The following USP35 variants were observed in gnomAD, a reference collection of about 807,000 sequenced individuals.
The protein encoded by USP35 is ubiquitin specific peptidase 35, also known as ubiquitin carboxyl-terminal hydrolase 35.
In USP35, 69 loss-of-function variants were observed where a neutral mutation model predicts 83.8. The ratio of observed to expected loss-of-function variants is 0.82; its 90% confidence interval spans 0.68 to 1.01. The LOEUF (loss-of-function observed/expected upper bound fraction) is 1.01, where lower values mean the gene tolerates loss of function less well. Among genes scored for constraint, USP35 ranks in the 50% least tolerant of loss-of-function variants. USP35 has a pLI of 0.00. For missense variants in USP35, 1,503 were observed against 1,362.5 expected (o/e 1.10, Z -1.62); for synonymous variants, 714 against 589.5 (o/e 1.21, Z -3.06).
chr11:78,200,348 A>G (rs1458846126), intron 5 of USP35, 114 bp downstream of exon 5: 2 of 1,293,818 alleles, frequency 1.5e-6, no homozygotes, highest in African/African-American at 1.5e-5. Flanking sequence ...CTCTTGGGGC[A>G]GGTCACTTGG....
chr11:78,194,882 A>G (rs767410334), intron 1 of USP35, among the ~76,000 whole-genome samples: 14 of 152,216 alleles, frequency 9.2e-5, no homozygotes, highest in Non-Finnish European at 1.5e-5. Flanking sequence ...CAATCAAGAA[A>G]TCATGACAAG....
At chr11:78,222,024 G>A in the USP35 span, 44 of 918,832 alleles carry the variant, frequency 4.8e-5, no homozygotes, top group Non-Finnish European at 6.0e-5. Context: ...CAGCTGTCCC[G>A]GCCCACAGGC....
At chr11:78,213,438 G>A (rs1026730859) in intron 10 of USP35, among the ~76,000 whole-genome samples, 2 of 151,918 alleles carry the variant, frequency 1.3e-5, no homozygotes, top group Non-Finnish European at 2.9e-5. Context: ...GCTGGCTCAG[G>A]GACTAGAGTT....
the USP35 span, chr11:78,227,000 G>A: frequency 6.2e-7 from 1 of 1,613,596 alleles, no homozygotes; most frequent in Non-Finnish European, 8.5e-7. Context: ...GTACAGCTGT[G>A]TCACTCCTCA....
At chr11:78,235,026 A>AG in the USP35 span, among the ~76,000 whole-genome samples, 1 of 151,940 alleles carries the variant, frequency 6.6e-6, no homozygotes, top group Admixed American at 6.6e-5. Context: ...GGCCACCGGG[A>AG]GGGGCTGCCA....
At chr11:78,197,870 C>T in intron 2 of USP35, 66 bp from the exon 3 acceptor site, 1 of 1,570,526 alleles carries the variant, frequency 6.4e-7, no homozygotes, top group African/African-American at 1.3e-5. Flanking sequence ...TCCTGCAGGG[C>T]ATGGTGTGCT....
rs781552777 is a variant in USP35, at chr11:78,205,945, C to G, written c.1301C>G (p.Ala434Gly). The G allele has an allele frequency of 6.2e-7, 1 of 1,614,264 alleles. No homozygotes were observed. The highest frequency in any genetic ancestry group is 1.1e-5 in the South Asian group (1 of 91,090). Reference protein sequence around the residue: ...ELAGFYPRLMAKSDTGKIGLI... With the variant: ...ELAGFYPRLMGKSDTGKIGLI... The stretch of plus-strand genomic sequence containing the variant: ...GCGGGTTTCTATCCCCGGCTCATGG[C>G]CAAGTCAGACACGGGCAAGATTGGT... Residue 434 changes from alanine to glycine, a missense_variant, in exon 7 of 11, where the codon GCC becomes GGC. Physicochemically the swap from Ala to Gly is moderately conservative, Grantham distance 60. Transcript: ENST00000529308.
At chr11:78,208,795 G>T in intron 8 of USP35, 62 bp from the exon 9 acceptor site, 1 of 1,578,816 alleles carries the variant, frequency 6.3e-7, no homozygotes, top group Non-Finnish European at 8.7e-7. Flanking sequence ...CCTAACCTGT[G>T]CAGAGCTGGC....
chr11:78,236,399 C>T, the USP35 span, among the ~76,000 whole-genome samples: 1 of 152,166 alleles, frequency 6.6e-6, no homozygotes, highest in Non-Finnish European at 1.5e-5. Context: ...TATCCACCTG[C>T]CTCAGCATCC....
Position 78,210,501 on chromosome 11 carries a change from TA to T in USP35, c.2647del (p.Arg883GlyfsTer68). The T allele has an allele frequency of 6.2e-7, 1 of 1,614,152 alleles. No homozygotes were observed. Among genetic ancestry groups the T allele is most frequent in the African/African-American group, 1.3e-5 (1 of 75,076 alleles). Reference sequence around the variant, plus strand: ...CTGCCGCTTCTCTGGGAACTGCCGATAGGCCAGAGCCCGAGAACCAGTGGTA... The same window carrying T: ...CTGCCGCTTCTCTGGGAACTGCCGATGGCCAGAGCCCGAGAACCAGTGGTA... Reference protein sequence around the residue: ...RPAASLGTADRPEPENQWYLF... With the variant: ...RPAASLGTADXPEPENQWYLF... On this transcript the variant is annotated frameshift_variant, in exon 10 of 11. Coordinates refer to ENST00000529308, the MANE Select transcript of USP35 (RefSeq NM_020798.4). LOFTEE classifies it high-confidence loss of function.
At chr11:78,233,531 T>C in the USP35 span, among the ~76,000 whole-genome samples, 1 of 152,350 alleles carries the variant, frequency 6.6e-6, no homozygotes, top group South Asian at 2.1e-4. Flanking sequence ...TACTGAGTTG[T>C]AGAAGTTCTT....
chr11:78,208,292 A>G (rs1396106124), intron 8 of USP35, among the ~76,000 whole-genome samples: 7 of 152,202 alleles, frequency 4.6e-5, no homozygotes. Context: ...ACACCACAGC[A>G]TGTTGCTTCA....
chr11:78,204,663 G>T (rs1863480150), intron 6 of USP35, among the ~76,000 whole-genome samples: 1 of 152,172 alleles, frequency 6.6e-6, no homozygotes, highest in South Asian at 2.1e-4. Context: ...AGGGACAGGC[G>T]AGGAGGGCAT....
the USP35 span, chr11:78,222,327 G>A: frequency 1.7e-5 from 11 of 648,030 alleles, no homozygotes; most frequent in Admixed American, 1.6e-4. Context: ...GGAAACTGAC[G>A]CTCAGCGAGG....
chr11:78,220,520 A>C, the USP35 span: 4 of 1,300,430 alleles, frequency 3.1e-6, no homozygotes, highest in Non-Finnish European at 4.3e-6. Context: ...CACCTCTGGG[A>C]GTAAGAACAC....
the USP35 span, among the ~76,000 whole-genome samples, chr11:78,232,965 G>A: frequency 6.6e-6 from 1 of 151,052 alleles, no homozygotes; most frequent in Non-Finnish European, 1.5e-5. Context: ...AGAGCACCTA[G>A]TATATAATGT....
the USP35 span, chr11:78,220,518 G>C: frequency 7.4e-7 from 1 of 1,344,744 alleles, no homozygotes; most frequent in Non-Finnish European, 1.0e-6. Flanking sequence ...AACACCTCTG[G>C]GAGTAAGAAC....
At chr11:78,232,888 T>C in the USP35 span, among the ~76,000 whole-genome samples, 1 of 152,210 alleles carries the variant, frequency 6.6e-6, no homozygotes, top group Non-Finnish European at 1.5e-5. Flanking sequence ...AGGATTACTT[T>C]GGAGATCATA....
At chr11:78,200,957 C>G in intron 6 of USP35, 149 bp downstream of exon 6, 2 of 1,180,252 alleles carry the variant, frequency 1.7e-6, no homozygotes, top group Non-Finnish European at 2.3e-6. Flanking sequence ...CATCATGTGC[C>G]TCAAGCACAC....
Sources: gnomAD v4.1 joint callset for allele counts (sites outside exome capture counted in the v4.1 genomes callset) on GRCh38, gnomAD v4.1.1 for gene constraint, MANE v1.5 for transcripts, NCBI Gene and HGNC (gene_info 2026-07-23, HGNC 2026-07-21) for gene names.